The following PPM1D variants were observed in gnomAD, a reference collection of about 807,000 sequenced individuals.
PPM1D encodes protein phosphatase 1D.
A neutral mutation model predicts 58.3 loss-of-function variants in PPM1D; 52 were observed. The observed-to-expected ratio is 0.89, with a 90% CI of 0.71 to 1.12. The LOEUF (loss-of-function observed/expected upper bound fraction) is 1.12. PPM1D is among the 50% of genes most tolerant of loss of function. The probability of loss-of-function intolerance (pLI) is 0.00; values close to 1 mark genes in which losing one functional copy is unlikely to be tolerated. For missense variants in PPM1D, 564 were observed against 777.2 expected, an observed-to-expected ratio of 0.73 and a Z score of 3.26; for synonymous variants, 278 against 285.1, an observed-to-expected ratio of 0.98 and a Z score of 0.25.
chr17:60,609,230 A>G (rs1009146821), intron 1 of PPM1D, among the ~76,000 whole-genome samples: 8 of 151,744 alleles, frequency 5.3e-5, no homozygotes, highest in Admixed American at 5.2e-4. Context: ...AGTAGCTGGA[A>G]TTACAGGCGC....
At position 60,648,121 on chromosome 17, in the gene PPM1D, C is replaced by T. The variant is rs758963717; in HGVS notation, c.1017+39C>T. 5.1e-6 allele frequency: 8 copies of T among 1,567,586 alleles called. No individual in the cohort carries two copies. In the South Asian group the frequency reaches 7.0e-5, roughly 14 times the overall value. Reference sequence around the variant, plus strand: ...GAATAACTTGATATTGTTGTCTAAACATTGTTTTGGTACTTCTGTCAGAAT... The same window carrying T: ...GAATAACTTGATATTGTTGTCTAAATATTGTTTTGGTACTTCTGTCAGAAT... On this transcript the variant is annotated intron_variant, in intron 4 of 5. Coordinates refer to ENST00000305921, the MANE Select transcript of PPM1D (RefSeq NM_003620.4).
At chr17:60,647,668 G>T (rs1035073390) in intron 3 of PPM1D, among the ~76,000 whole-genome samples, 3 of 152,150 alleles carry the variant, frequency 2.0e-5, no homozygotes, top group Non-Finnish European at 1.5e-5. Context: ...TTACCTTTAA[G>T]ATGATTATTA....
intron 3 of PPM1D, 109 bp downstream of exon 3, chr17:60,634,086 G>T (rs1567971210): frequency 1.6e-6 from 2 of 1,254,990 alleles, no homozygotes; most frequent in East Asian, 2.5e-5. Flanking sequence ...AGTGAGGGTA[G>T]AGATATCATG....
At chr17:60,629,285 A>G (rs1343712882) in intron 2 of PPM1D, among the ~76,000 whole-genome samples, 1 of 152,166 alleles carries the variant, frequency 6.6e-6, no homozygotes, top group Non-Finnish European at 1.5e-5. Context: ...AAGAAACTGT[A>G]GTCATGTGCT....
At chr17:60,655,074 A>G (rs544894395) in intron 4 of PPM1D, among the ~76,000 whole-genome samples, 1 of 152,102 alleles carries the variant, frequency 6.6e-6, no homozygotes, top group Admixed American at 6.5e-5. Context: ...CAATTGGTAT[A>G]TATTTGTTCT....
chr17:60,644,730 T>C (rs911826057), intron 3 of PPM1D, among the ~76,000 whole-genome samples: 1 of 152,184 alleles, frequency 6.6e-6, no homozygotes, highest in African/African-American at 2.4e-5. Flanking sequence ...TCAAAAGAAC[T>C]ACTGGAATTA....
At chr17:60,617,865 A>C (rs553288904) in intron 1 of PPM1D, among the ~76,000 whole-genome samples, 1 of 152,348 alleles carries the variant, frequency 6.6e-6, no homozygotes, top group Non-Finnish European at 1.5e-5. Flanking sequence ...GTTAGGAAAG[A>C]ACATTGTCTG....
intron 3 of PPM1D, among the ~76,000 whole-genome samples, chr17:60,639,610 G>A (rs777747879): frequency 3.3e-5 from 5 of 152,042 alleles, no homozygotes; most frequent in Non-Finnish European, 7.4e-5. Context: ...GCTACTTTTT[G>A]TATTTTTAGT....
At chr17:60,662,613 A>T (rs1398778003) in intron 5 of PPM1D, among the ~76,000 whole-genome samples, 2 of 152,206 alleles carry the variant, frequency 1.3e-5, no homozygotes, top group African/African-American at 4.8e-5. Context: ...GGAAGAGTGA[A>T]TGTGTGCCTA....
chr17:60,650,426 C>A (rs112338598), intron 4 of PPM1D, among the ~76,000 whole-genome samples: 4 of 152,188 alleles, frequency 2.6e-5, no homozygotes, highest in African/African-American at 9.7e-5. Flanking sequence ...TGACTCGCAC[C>A]TGTAATCCCA....
At chr17:60,612,759 C>T (rs545050492) in intron 1 of PPM1D, among the ~76,000 whole-genome samples, 21 of 150,326 alleles carry the variant, frequency 1.4e-4, no homozygotes, top group Non-Finnish European at 2.2e-4. Context: ...TTTTCAATGA[C>T]GAGAATAAAT....
chr17:60,634,213 C>A (rs138177801), intron 3 of PPM1D, among the ~76,000 whole-genome samples: 2,326 of 152,216 alleles, frequency 0.015, 44 homozygotes, highest in African/African-American at 0.051. Flanking sequence ...GAGTTTGAGA[C>A]CAGCCTAGCC....
At chr17:60,651,985 G>A (rs1420667335) in intron 4 of PPM1D, among the ~76,000 whole-genome samples, 2 of 152,114 alleles carry the variant, frequency 1.3e-5, no homozygotes, top group East Asian at 3.8e-4. Flanking sequence ...AAAAGTTTGA[G>A]TGGACATAAC....
chr17:60,625,389 T>C (rs1225910340), intron 2 of PPM1D, among the ~76,000 whole-genome samples: 1 of 152,232 alleles, frequency 6.6e-6, no homozygotes, highest in East Asian at 1.9e-4. Flanking sequence ...TGGTACTACC[T>C]ATATAGAAAA....
Position 60,665,713 on chromosome 17 carries a change from GGT to G in PPM1D, c.*2163_*2164del, listed in dbSNP as rs2031605902. 6.6e-6 allele frequency: 1 copy of G among 152,136 alleles called. No homozygotes were observed. The highest frequency in any genetic ancestry group is 1.5e-5 in the Non-Finnish European group (1 of 68,034). The allele number at this position is 152,136 out of a possible 1,614,324, so 9.4% of individuals were successfully genotyped here. On this transcript the variant is annotated 3_prime_UTR_variant, in exon 6 of 6. Transcript: ENST00000305921. Reference sequence around the variant, plus strand: ...CAGAAATCTGAGAGTGGTTTAGCTGGGTGATAGTCTCGTGGTTTTGGTCAAGC... The same window carrying G: ...CAGAAATCTGAGAGTGGTTTAGCTGGGATAGTCTCGTGGTTTTGGTCAAGC...
intron 3 of PPM1D, among the ~76,000 whole-genome samples, chr17:60,637,934 T>C (rs1462231801): frequency 2.0e-5 from 3 of 152,222 alleles, no homozygotes; most frequent in Admixed American, 2.0e-4. Flanking sequence ...CAAATACTGT[T>C]GTCATTTAGG....
chr17:60,617,266 T>A (rs2030603907), intron 1 of PPM1D, among the ~76,000 whole-genome samples: 1 of 152,058 alleles, frequency 6.6e-6, no homozygotes, highest in Admixed American at 6.6e-5. Flanking sequence ...CCAAATTTTG[T>A]GTTTTGAATG....
intron 2 of PPM1D, among the ~76,000 whole-genome samples, chr17:60,633,199 C>T (rs528142038): frequency 6.6e-6 from 1 of 152,122 alleles, no homozygotes; most frequent in Admixed American, 6.6e-5. Flanking sequence ...GCAGGAGAAT[C>T]GCTTGAACCC....
rs1476949755 is a variant in PPM1D, at chr17:60,600,446, T to C, written c.32T>C (p.Val11Ala). 4.5e-6 allele frequency: 7 copies of C among 1,561,184 alleles called. No homozygotes were observed. The highest frequency in any genetic ancestry group is 1.4e-5 in the African/African-American group (1 of 73,532). The stretch of plus-strand genomic sequence containing the variant: ...GGGCTGTACTCGCTGGGAGTGAGCG[T>C]CTTCTCCGACCAGGGCGGGAGGAAG... MAGLYSLGVS[V>A]FSDQGGRKYM... Residue 11 changes from valine to alanine, a missense_variant, in exon 1 of 6, where the codon GTC becomes GCC. Coordinates refer to ENST00000305921, the MANE Select transcript of PPM1D (RefSeq NM_003620.4).
Sources: gnomAD v4.1 joint callset for allele counts (sites outside exome capture counted in the v4.1 genomes callset) on GRCh38, gnomAD v4.1.1 for gene constraint, MANE v1.5 for transcripts, NCBI Gene and HGNC (gene_info 2026-07-23, HGNC 2026-07-21) for gene names.